The following CPNE8 variants were observed in gnomAD, a reference collection of about 807,000 sequenced individuals.
The protein encoded by CPNE8 is copine-8.
In CPNE8, 45 loss-of-function variants were observed where a neutral mutation model predicts 81.5. The ratio of observed to expected loss-of-function variants is 0.55; its 90% CI spans 0.44 to 0.71. CPNE8 has a LOEUF of 0.71. Ranked by LOEUF, CPNE8 falls within the 30% of genes least tolerant of loss-of-function variation. The pLI is 0.00. For missense variants in CPNE8, 594 were observed against 672.1 expected, an observed-to-expected ratio of 0.88 and a Z score of 1.28; for synonymous variants, 252 against 226.3, an observed-to-expected ratio of 1.11 and a Z score of -1.02.
In CPNE8 at chr12:38,845,996, C is replaced by T. The variant is rs180681430; in HGVS notation, c.290+2563G>A. On this transcript the variant is annotated intron_variant, in intron 4 of 19. Coordinates refer to ENST00000331366, the MANE Select transcript of CPNE8 (RefSeq NM_153634.3). The stretch of plus-strand genomic sequence containing the variant: ...TTGCAATATGCTTTCCCATTTCAAA[C>T]GTTACACTGTTTCTGTAAAAATTGC... Among the ~76,000 whole-genome samples, 325 of 152,264 alleles carry T rather than the reference C, an allele frequency of 2.1e-3. 2 individuals carry two copies. The highest frequency in any genetic ancestry group is 7.4e-3 in the African/African-American group (307 of 41,572).
At chr12:38,778,814 T>C (rs1941987508) in intron 6 of CPNE8, among the ~76,000 whole-genome samples, 2 of 152,238 alleles carry the variant, frequency 1.3e-5, no homozygotes, top group Non-Finnish European at 2.9e-5. Flanking sequence ...AATGTCTGTA[T>C]ACAGCAGGTG....
chr12:38,823,040 C>T (rs968603265), intron 6 of CPNE8, among the ~76,000 whole-genome samples: 2 of 152,144 alleles, frequency 1.3e-5, no homozygotes, highest in African/African-American at 4.8e-5. Context: ...TATGACTATG[C>T]ATTCTCCTAT....
intron 6 of CPNE8, among the ~76,000 whole-genome samples, chr12:38,789,704 G>A (rs1942278657): frequency 6.6e-6 from 1 of 151,702 alleles, no homozygotes. Flanking sequence ...CATCTGACAA[G>A]GGATTCATAA....
chr12:38,688,870 G>GTGA (rs1565568178), intron 15 of CPNE8, among the ~76,000 whole-genome samples: 1 of 152,132 alleles, frequency 6.6e-6, no homozygotes, highest in African/African-American at 2.4e-5. Flanking sequence ...CACTGCTCAG[G>GTGA]TGATGGGTGC....
chr12:38,863,923 G>A (rs1295570017), intron 3 of CPNE8, among the ~76,000 whole-genome samples: 3 of 151,836 alleles, frequency 2.0e-5, no homozygotes, highest in Admixed American at 6.6e-5. Flanking sequence ...GCATGGTGGC[G>A]GGCGCCTGTA....
At position 38,724,880 on chromosome 12, in the gene CPNE8, T is replaced by C. The variant is rs757433852; in HGVS notation, c.818A>G (p.Lys273Arg). ...ATTAGTATATTTTTTCTTTTTTCCT[T>C]TCTTTTTGGGATTCACCACCTTAAA... Reference protein sequence around the residue: ...NVYEVVNPKKKGKKKKYTNSG... With the variant: ...NVYEVVNPKKRGKKKKYTNSG... The change falls in exon 12 of 20, where the codon AAA becomes AGA. Residue 273 changes from lysine (K) to arginine (R), a missense_variant. Transcript: ENST00000331366. 2.0e-6 allele frequency: 3 copies of C among 1,518,174 alleles called. No individual in the cohort carries two copies. The highest frequency in any genetic ancestry group is 3.4e-5 in the Admixed American group (2 of 58,104). The allele number at this position is 1,518,174 out of a possible 1,614,324, so 94.0% of individuals were successfully genotyped here.
chr12:38,736,872 T>C (rs540766232), intron 10 of CPNE8, among the ~76,000 whole-genome samples: 1 of 152,172 alleles, frequency 6.6e-6, no homozygotes, highest in South Asian at 2.1e-4. Flanking sequence ...AGTTATGACC[T>C]TGGATACTTA....
At chr12:38,668,630 G>T (rs1402445698) in intron 19 of CPNE8, among the ~76,000 whole-genome samples, 1 of 152,096 alleles carries the variant, frequency 6.6e-6, no homozygotes, top group African/African-American at 2.4e-5. Flanking sequence ...ATACTTCCAT[G>T]CAGTAATTCA....
intron 10 of CPNE8, among the ~76,000 whole-genome samples, chr12:38,740,790 G>T (rs1941080130): frequency 6.6e-6 from 1 of 152,156 alleles, no homozygotes; most frequent in Admixed American, 6.5e-5. Context: ...GATTTGGTTT[G>T]CCAGTATTTT....
chr12:38,801,327 G>C (rs1206661556), intron 6 of CPNE8, among the ~76,000 whole-genome samples: 1 of 26,282 alleles, frequency 3.8e-5, no homozygotes, highest in East Asian at 8.9e-4. Context: ...AACCCTACAA[G>C]CCAGAAGAGA....
intron 10 of CPNE8, among the ~76,000 whole-genome samples, chr12:38,747,677 T>C (rs1190707445): frequency 2.0e-5 from 3 of 152,140 alleles, no homozygotes; most frequent in Non-Finnish European, 4.4e-5. Context: ...ACTGAGTACT[T>C]GAAATGTGGC....
rs147476320 is a variant in CPNE8, at chr12:38,763,840, T to C, written c.576-1624A>G. ...CAGTAATGACACATGAAAATATTAA[T>C]AAATACCATAGTGAATATACTGCCC... On this transcript the variant is annotated intron_variant, in intron 8 of 19. Coordinates refer to ENST00000331366, the MANE Select transcript of CPNE8 (RefSeq NM_153634.3). Among the ~76,000 whole-genome samples, 745 of 152,248 alleles carry C rather than the reference T, an allele frequency of 4.9e-3. 4 individuals are homozygous for C. Among genetic ancestry groups the C allele is most frequent in the African/African-American group, 0.017 (694 of 41,542 alleles).
chr12:38,692,631 A>G (rs928250777), intron 15 of CPNE8, among the ~76,000 whole-genome samples: 4 of 152,216 alleles, frequency 2.6e-5, no homozygotes, highest in Middle Eastern at 3.2e-3. Context: ...AAGGCAGCAA[A>G]GGAGAGAATT....
At chr12:38,666,464 G>A (rs971379766) in intron 19 of CPNE8, among the ~76,000 whole-genome samples, 4 of 152,102 alleles carry the variant, frequency 2.6e-5, no homozygotes, top group African/African-American at 9.7e-5. Context: ...AAGTAATATG[G>A]GGACAAAGTG....
intron 5 of CPNE8, among the ~76,000 whole-genome samples, chr12:38,836,791 T>C (rs756599152): frequency 1.1e-4 from 16 of 152,166 alleles, no homozygotes; most frequent in Non-Finnish European, 2.1e-4. Flanking sequence ...AAAATCCTCA[T>C]GAATTTCTTT....
intron 3 of CPNE8, among the ~76,000 whole-genome samples, chr12:38,854,710 A>ATTTT (rs1943702568): frequency 6.6e-6 from 1 of 152,112 alleles, no homozygotes; most frequent in African/African-American, 2.4e-5. Context: ...TTTTAACAAC[A>ATTTT]TTAAAGAAAG....
chr12:38,900,642 G>A (rs1447665095), intron 1 of CPNE8, among the ~76,000 whole-genome samples: 4 of 152,196 alleles, frequency 2.6e-5, no homozygotes, highest in Admixed American at 6.5e-5. Context: ...CAGCACCTGT[G>A]TAGCCACAAA....
chr12:38,894,344 A>T (rs558085549), intron 1 of CPNE8, among the ~76,000 whole-genome samples: 10 of 152,234 alleles, frequency 6.6e-5, no homozygotes, highest in South Asian at 4.1e-4. Flanking sequence ...TCCCAAAAAA[A>T]TTTTTTTAAT....
intron 14 of CPNE8, among the ~76,000 whole-genome samples, chr12:38,697,812 C>G (rs576789289): frequency 4.6e-5 from 7 of 152,268 alleles, no homozygotes; most frequent in African/African-American, 1.7e-4. Context: ...CCTCCTCTCT[C>G]TCTCTCTCTT....
Sources: allele counts gnomAD v4.1 joint callset (sites outside exome capture counted in the v4.1 genomes callset), GRCh38; gene constraint gnomAD v4.1.1; transcripts MANE v1.5; gene names NCBI Gene and HGNC (gene_info 2026-07-23, HGNC 2026-07-21).